The following GATB variants were observed in gnomAD, a reference collection of about 807,000 sequenced individuals.
GATB encodes the protein glutamyl-tRNA(Gln) amidotransferase subunit B, mitochondrial.
A neutral mutation model predicts 62.3 loss-of-function variants in GATB; 39 were observed. That is an observed-to-expected ratio of 0.63 (90% confidence interval 0.48 to 0.82). The LOEUF is 0.82. GATB is among the 40% of genes least tolerant of loss of function. GATB has a pLI of 0.00. For synonymous variants in GATB, 276 were observed against 258.9 expected (o/e 1.07, Z -0.63); for missense variants, 670 against 684.0 (o/e 0.98, Z 0.23).
rs537692803 is a variant in GATB, at chr4:151,743,174, C to T, written c.327+15598G>A. 7.2e-5 allele frequency among the ~76,000 whole-genome samples: 11 copies of T among 152,066 alleles called. No homozygotes were observed. In the East Asian group the frequency reaches 1.9e-3, roughly 27 times the overall value. ...GATCCTAAAAGAATTTTCCCATGAC[C>T]GCTATTTGCATCGTGATCAACATAC... On this transcript the variant is annotated intron_variant, in intron 2 of 12. Transcript: ENST00000263985.
rs758071825 is a variant in GATB, at chr4:151,701,437, C to T, written c.1089G>A (p.Val363=). ...SLPAGADPQQ[V]INIDQIRETL... is the part of the protein sequence containing the mutation. ...TCTCCCGAATCTGGTCAATATTGAT[C>T]ACTTGCTGTGGGTCTGCACCTGCGG... is the stretch of plus-strand genomic sequence containing the variant. The change falls in exon 9 of 13, where the codon GTG becomes GTA. Residue 363 remains valine, a synonymous_variant. Transcript: ENST00000263985. 2 of 1,604,258 alleles carry T rather than the reference C, an allele frequency of 1.2e-6. No individual in the cohort carries two copies. Among genetic ancestry groups the T allele is most frequent in the East Asian group, 2.3e-5 (1 of 44,040 alleles).
chr4:151,672,994 G>T, intron 11 of GATB, 98 bp from the exon 12 acceptor site: 1 of 1,448,448 alleles, frequency 6.9e-7, no homozygotes. Context: ...GGGTGGGAAT[G>T]AGCAGATTCA....
chr4:151,702,865 C>G (rs1453974179), intron 8 of GATB, among the ~76,000 whole-genome samples: 1 of 152,140 alleles, frequency 6.6e-6, no homozygotes, highest in Non-Finnish European at 1.5e-5. Context: ...CACACGCTAC[C>G]CATCGGCTCA....
intron 2 of GATB, chr4:151,723,509 A>C (rs955602673): frequency 6.6e-6 from 1 of 152,232 alleles, no homozygotes; most frequent in African/African-American, 2.4e-5. Flanking sequence ...CCTACTGTAC[A>C]TCATTTAAGG....
chr4:151,697,381 A>G (rs568757168), intron 9 of GATB, among the ~76,000 whole-genome samples: 2 of 152,230 alleles, frequency 1.3e-5, no homozygotes, highest in South Asian at 4.2e-4. Flanking sequence ...CTGAAACAGA[A>G]AATCAAATAC....
chr4:151,695,828 G>A (rs904923152), intron 9 of GATB, among the ~76,000 whole-genome samples: 2 of 152,042 alleles, frequency 1.3e-5, no homozygotes, highest in Non-Finnish European at 2.9e-5. Flanking sequence ...CACGACCACA[G>A]CTCGCTACAG....
At chr4:151,749,656 CAAAAAGA>C (rs1739674064) in intron 2 of GATB, among the ~76,000 whole-genome samples, 2 of 151,548 alleles carry the variant, frequency 1.3e-5, no homozygotes. Context: ...TATAATAAAA[CAAAAAGA>C]AAAAAGAAAA....
chr4:151,717,891 C>T (rs2126978434), intron 3 of GATB, among the ~76,000 whole-genome samples: 1 of 152,316 alleles, frequency 6.6e-6, no homozygotes, highest in Non-Finnish European at 1.5e-5. Flanking sequence ...GTTAATTCCA[C>T]AACAACCCTA....
intron 10 of GATB, among the ~76,000 whole-genome samples, chr4:151,687,504 C>T (rs1738274348): frequency 6.6e-6 from 1 of 152,230 alleles, no homozygotes; most frequent in Non-Finnish European, 1.5e-5. Flanking sequence ...TTGGCTCAGG[C>T]CTGGGGCATT....
intron 9 of GATB, among the ~76,000 whole-genome samples, chr4:151,697,953 G>GTGTATA (rs1186735671): frequency 0.015 from 590 of 40,206 alleles, 7 homozygotes; most frequent in African/African-American, 0.031. Flanking sequence ...GTGTGTGTGT[G>GTGTATA]TATATATATA....
Position 151,760,973 on chromosome 4 carries a change from G to A in GATB, c.10C>T (p.Pro4Ser), listed in dbSNP as rs770684034. MAA[P>S]MLRWGCRGRR... Reference sequence around the variant, plus strand: ...CCACGGCAGCCCCAGCGCAGCATGGGCGCCGCCATTGTAACTCCAGGGTCT... The same window carrying A: ...CCACGGCAGCCCCAGCGCAGCATGGACGCCGCCATTGTAACTCCAGGGTCT... Residue 4 changes from proline (P) to serine (S), a missense_variant, in exon 1 of 13, where the codon CCC (proline) becomes TCC (serine). Pro to Ser is a moderately conservative substitution (Grantham distance 74). Transcript: ENST00000263985. 1.9e-6 allele frequency: 3 copies of A among 1,610,576 alleles called. No homozygotes were observed. Among genetic ancestry groups the A allele is most frequent in the African/African-American group, 1.3e-5 (1 of 74,766 alleles).
chr4:151,704,199 G>A (rs560313848), intron 7 of GATB, among the ~76,000 whole-genome samples: 10 of 151,876 alleles, frequency 6.6e-5, no homozygotes, highest in African/African-American at 2.2e-4. Context: ...AAAATTCTGA[G>A]TGAGAAAATT....
intron 1 of GATB, among the ~76,000 whole-genome samples, 167 bp downstream of exon 1, chr4:151,760,640 T>C (rs947741569): frequency 3.3e-5 from 5 of 152,330 alleles, no homozygotes; most frequent in Admixed American, 6.5e-5. Context: ...GCGGAGTTGA[T>C]AGAAAGTCTG....
At chr4:151,738,396 A>G (rs776478631) in intron 2 of GATB, among the ~76,000 whole-genome samples, 5 of 152,174 alleles carry the variant, frequency 3.3e-5, no homozygotes, top group Non-Finnish European at 5.9e-5. Context: ...TAAAGATGGG[A>G]ATTTCCTTGC....
chr4:151,695,407 C>T (rs567187426), intron 9 of GATB, among the ~76,000 whole-genome samples: 1 of 152,108 alleles, frequency 6.6e-6, no homozygotes, highest in Non-Finnish European at 1.5e-5. Context: ...GGGTGTCTGT[C>T]CCCAAGTCAG....
chr4:151,745,588 A>C (rs1161156827), intron 2 of GATB, among the ~76,000 whole-genome samples: 1 of 152,238 alleles, frequency 6.6e-6, no homozygotes, highest in African/African-American at 2.4e-5. Flanking sequence ...ATGTGCATAC[A>C]TATGTTCCAG....
chr4:151,701,202 A>T, intron 9 of GATB, 127 bp downstream of exon 9: 1 of 576,976 alleles, frequency 1.7e-6, no homozygotes, highest in Non-Finnish European at 2.8e-6. Flanking sequence ...AGTAGCATCT[A>T]TAGTACAACC....
intron 2 of GATB, among the ~76,000 whole-genome samples, chr4:151,746,938 C>A (rs1448745199): frequency 2.0e-5 from 3 of 152,050 alleles, no homozygotes; most frequent in Non-Finnish European, 4.4e-5. Flanking sequence ...AAGAAAATCC[C>A]CTGGGGCCGC....
intron 2 of GATB, among the ~76,000 whole-genome samples, chr4:151,757,467 ATTTT>A (rs745311470): frequency 9.6e-6 from 1 of 103,820 alleles, no homozygotes; most frequent in African/African-American, 4.0e-5. Context: ...CAGCTTCCAG[ATTTT>A]TTTTTTTTTT....
Sources: allele counts gnomAD v4.1 joint callset (sites outside exome capture counted in the v4.1 genomes callset), GRCh38; gene constraint gnomAD v4.1.1; transcripts MANE v1.5; gene names NCBI Gene and HGNC (gene_info 2026-07-23, HGNC 2026-07-21).